OLFM3: variants seen among roughly 807,000 people sequenced by gnomAD.
The protein encoded by OLFM3 is noelin-3.
Under a neutral mutation model 48.6 loss-of-function variants are expected in OLFM3, and 20 were observed. The observed-to-expected ratio is 0.41, with a 90% confidence interval of 0.29 to 0.60. OLFM3 has a LOEUF of 0.60. Ranked by LOEUF, OLFM3 falls within the 20% of genes least tolerant of loss-of-function variation. OLFM3 has a pLI of 0.28. For missense variants in OLFM3, 437 were observed against 544.3 expected (o/e 0.80, Z 1.96); for synonymous variants, 222 against 198.1 (o/e 1.12, Z -1.01).
At chr1:101,960,949 G>T (rs1055790563) in intron 1 of OLFM3, among the ~76,000 whole-genome samples, 1 of 152,104 alleles carries the variant, frequency 6.6e-6, no homozygotes, top group Non-Finnish European at 1.5e-5. Flanking sequence ...CTAACATTTT[G>T]AGTGTTTAGT....
chr1:101,829,518 C>G (rs955080819), intron 3 of OLFM3, among the ~76,000 whole-genome samples: 1 of 152,180 alleles, frequency 6.6e-6, no homozygotes, highest in Non-Finnish European at 1.5e-5. Flanking sequence ...TCTGGAGTAC[C>G]ACTGAAGAAA....
chr1:101,960,810 A>G (rs1660445361), intron 1 of OLFM3, among the ~76,000 whole-genome samples: 1 of 152,156 alleles, frequency 6.6e-6, no homozygotes, highest in African/African-American at 2.4e-5. Flanking sequence ...TCCAACTGAG[A>G]AAAACCTCAC....
At chr1:101,877,340 T>C (rs1472232552) in intron 1 of OLFM3, among the ~76,000 whole-genome samples, 2 of 151,948 alleles carry the variant, frequency 1.3e-5, no homozygotes, top group Non-Finnish European at 1.5e-5. Context: ...GACTTCTTGA[T>C]ACCAGCAAGT....
intron 1 of OLFM3, among the ~76,000 whole-genome samples, chr1:101,891,776 C>T (rs1658008494): frequency 6.6e-6 from 1 of 151,948 alleles, no homozygotes; most frequent in Non-Finnish European, 1.5e-5. Flanking sequence ...TTAATATTCA[C>T]TACTGATGTT....
chr1:101,907,975 A>G (rs1191649995), intron 1 of OLFM3, among the ~76,000 whole-genome samples: 1 of 152,214 alleles, frequency 6.6e-6, no homozygotes, highest in East Asian at 1.9e-4. Flanking sequence ...ATTGTGAAAA[A>G]TGTTAAATGG....
chr1:101,805,054 C>A, intron 5 of OLFM3, 139 bp from the exon 6 acceptor site: 1 of 645,158 alleles, frequency 1.6e-6, no homozygotes, highest in Non-Finnish European at 2.6e-6. Flanking sequence ...TGACCTGCCG[C>A]AATGTATTTC....
intron 1 of OLFM3, among the ~76,000 whole-genome samples, chr1:101,948,866 TTATA>T (rs1660037441): frequency 1.4e-5 from 2 of 147,734 alleles, no homozygotes; most frequent in Non-Finnish European, 3.0e-5. Flanking sequence ...TATTATATAT[TTATA>T]TATTTTTTAT....
chr1:101,838,755 A>G (rs1052043458), intron 1 of OLFM3, among the ~76,000 whole-genome samples: 1 of 152,146 alleles, frequency 6.6e-6, no homozygotes, highest in Non-Finnish European at 1.5e-5. Context: ...GCTGCGACTA[A>G]AGCTCTAAGC....
intron 1 of OLFM3, among the ~76,000 whole-genome samples, chr1:101,992,561 C>A (rs1402247053): frequency 6.6e-6 from 1 of 151,276 alleles, no homozygotes; most frequent in Non-Finnish European, 1.5e-5. Context: ...ACGAGAGAAA[C>A]AGGAAAAGAC....
intron 4 of OLFM3, chr1:101,812,494 G>C: frequency 1.0e-6 from 1 of 985,384 alleles, no homozygotes; most frequent in Non-Finnish European, 1.2e-6. Context: ...TATTTCAGAT[G>C]TTGAGGTGTG....
Position 101,803,082 on chromosome 1 carries a change from C to A in OLFM3, c.*1156G>T, listed in dbSNP as rs562671056. 1 of 152,080 alleles carries A rather than the reference C, an allele frequency of 6.6e-6. No individual in the cohort carries two copies. The highest frequency in any genetic ancestry group is 1.9e-4 in the East Asian group (1 of 5,132). 9.4% of individuals were successfully genotyped at this position (152,080 alleles called of 1,614,324 possible). ...GAAACCACAAAGACAACTCCCAAGT[C>A]TCCCCATATTTTATTTTGCACAAAT... is the stretch of plus-strand genomic sequence containing the variant. On this transcript the variant is annotated 3_prime_UTR_variant, in exon 6 of 6. Coordinates refer to ENST00000370103, the MANE Select transcript of OLFM3 (RefSeq NM_058170.4).
At chr1:101,877,235 G>A (rs975048283) in intron 1 of OLFM3, among the ~76,000 whole-genome samples, 1 of 151,890 alleles carries the variant, frequency 6.6e-6, no homozygotes, top group Admixed American at 6.6e-5. Flanking sequence ...TAACCCAGCT[G>A]TTCATTTATG....
At chr1:101,918,253 A>G (rs987742327) in intron 1 of OLFM3, among the ~76,000 whole-genome samples, 7 of 152,226 alleles carry the variant, frequency 4.6e-5, no homozygotes, top group Admixed American at 6.5e-5. Context: ...GCCCTAATAT[A>G]TAGTGTGTTA....
At chr1:101,882,153 G>A (rs1657553743) in intron 1 of OLFM3, among the ~76,000 whole-genome samples, 1 of 150,862 alleles carries the variant, frequency 6.6e-6, no homozygotes, top group African/African-American at 2.4e-5. Flanking sequence ...AAATACCATT[G>A]AGTATAAGAT....
At chr1:101,882,962 C>A (rs1051515465) in intron 1 of OLFM3, 2 of 151,790 alleles carry the variant, frequency 1.3e-5, no homozygotes, top group Admixed American at 6.6e-5. Flanking sequence ...TCTACTTACC[C>A]CAAAGAATCT....
chr1:101,852,438 GCTTCCAGGATGCCACACTCACTAGT>G (rs879555547), intron 1 of OLFM3, among the ~76,000 whole-genome samples: 46 of 152,074 alleles, frequency 3.0e-4, no homozygotes, highest in Non-Finnish European at 5.4e-4. Flanking sequence ...TTTTCACTTG[GCTTCCAGGATGCCACACTCACTAGT>G]CTTCCTCCAA....
At position 101,804,440 on chromosome 1, in the gene OLFM3, GT is replaced by G. The variant is rs1326134742; in HGVS notation, c.1174del (p.Thr392LeufsTer71). The G allele has an allele frequency of 6.2e-7, 1 of 1,612,422 alleles. No homozygotes were observed. Among genetic ancestry groups the G allele is most frequent in the Non-Finnish European group, 8.5e-7 (1 of 1,179,014 alleles). ...ATAGGAATAATACACCTTGGCTCCA[GT>G]TAAGTGGGAGTTGGTGACATACAGT... Reference protein sequence around the residue: ...GTLYVTNSHLTGAKVYYSYST... With the variant: ...GTLYVTNSHLXGAKVYYSYST... On this transcript the variant is annotated frameshift_variant, in exon 6 of 6. Transcript: ENST00000370103. LOFTEE classifies it high-confidence loss of function. The surrounding 1 kb of genome is among the most constrained non-coding windows in gnomAD (Gnocchi z 4.5).
chr1:101,981,465 C>T (rs1661103788), intron 1 of OLFM3, among the ~76,000 whole-genome samples: 2 of 152,186 alleles, frequency 1.3e-5, no homozygotes, highest in Non-Finnish European at 2.9e-5. Flanking sequence ...ATATTCTCCT[C>T]TAGGTATACT....
intron 1 of OLFM3, among the ~76,000 whole-genome samples, chr1:101,971,079 A>C (rs1273208215): frequency 6.6e-6 from 1 of 152,202 alleles, no homozygotes; most frequent in Non-Finnish European, 1.5e-5. Flanking sequence ...GGGATTCTGA[A>C]ATAATTACAT....
Sources: gnomAD v4.1 joint callset for allele counts (sites outside exome capture counted in the v4.1 genomes callset) on GRCh38, gnomAD v4.1.1 for gene constraint, Gnocchi (gnomAD v3.1) non-coding constraint, MANE v1.5 for transcripts, NCBI Gene and HGNC (gene_info 2026-07-23, HGNC 2026-07-21) for gene names.